The following ABCG5 variants were observed in gnomAD, a reference collection of about 807,000 sequenced individuals.
The protein encoded by ABCG5 is ATP-binding cassette sub-family G member 5.
ABCG5 carries 64 observed loss-of-function variants against 64.5 expected under a neutral mutation model. The ratio of observed to expected loss-of-function variants is 0.99; its 90% CI spans 0.81 to 1.22. The LOEUF is 1.22. Ranked by LOEUF, ABCG5 falls within the 50% of genes most tolerant of loss-of-function variation. ABCG5 has a pLI of 0.00. For synonymous variants in ABCG5, 385 were observed against 326.3 expected (o/e 1.18, Z -1.94); for missense variants, 908 against 829.5 (o/e 1.09, Z -1.16).
At chr2:43,814,895 T>A (rs1201199853) in intron 11 of ABCG5, among the ~76,000 whole-genome samples, 1 of 152,248 alleles carries the variant, frequency 6.6e-6, no homozygotes, top group Non-Finnish European at 1.5e-5. Context: ...GCCAAACATA[T>A]GTCTCAGACA....
chr2:43,836,706 C>T (rs1572804289), intron 2 of ABCG5, among the ~76,000 whole-genome samples: 1 of 152,084 alleles, frequency 6.6e-6, no homozygotes, highest in Non-Finnish European at 1.5e-5. Context: ...GATGCAGGGG[C>T]ACAAACACCG....
rs766464428 is a variant in ABCG5, at chr2:43,820,081, C to T, written c.1483G>A (p.Glu495Lys). 4 of 1,613,922 alleles carry T rather than the reference C, an allele frequency of 2.5e-6. No individual in the cohort carries two copies. Among genetic ancestry groups the T allele is most frequent in the Non-Finnish European group, 8.5e-7 (1 of 1,179,992 alleles). The stretch of plus-strand genomic sequence containing the variant: ...GAAAAATATCCAAATCGGGCAACCT[C>T]AGGATGTAAGCCCAGCGTCCTAGAA... Reference protein sequence around the residue: ...VCYWTLGLHPEVARFGYFSAA... With the variant: ...VCYWTLGLHPKVARFGYFSAA... The change falls in exon 11 of 13, where the codon GAG (glutamate) becomes AAG (lysine). Residue 495 changes from glutamate (E) to lysine (K), a missense_variant. Coordinates refer to ENST00000405322, the MANE Select transcript of ABCG5 (RefSeq NM_022436.3).
intron 2 of ABCG5, among the ~76,000 whole-genome samples, chr2:43,834,072 T>C (rs1668112007): frequency 6.6e-6 from 1 of 152,234 alleles, no homozygotes; most frequent in African/African-American, 2.4e-5. Flanking sequence ...TCTTTTCTAA[T>C]GCATCATTGA....
intron 4 of ABCG5, among the ~76,000 whole-genome samples, chr2:43,830,334 G>C (rs765324107): frequency 3.3e-5 from 5 of 152,172 alleles, no homozygotes; most frequent in African/African-American, 1.2e-4. Context: ...TCAAACCCAG[G>C]AGAAATGCAT....
chr2:43,833,818 G>A (rs1227636835), intron 2 of ABCG5, among the ~76,000 whole-genome samples: 1 of 152,152 alleles, frequency 6.6e-6, no homozygotes, highest in African/African-American at 2.4e-5. Context: ...CCGAATAGCT[G>A]GAATTACAGG....
intron 11 of ABCG5, among the ~76,000 whole-genome samples, chr2:43,818,425 C>G (rs1023138665): frequency 1.3e-5 from 2 of 152,148 alleles, no homozygotes; most frequent in Admixed American, 6.5e-5. Flanking sequence ...GCCTGGGCGG[C>G]AGAGTGAAAC....
chr2:43,830,117 G>A (rs1320791122), intron 4 of ABCG5, among the ~76,000 whole-genome samples: 6 of 152,172 alleles, frequency 3.9e-5, no homozygotes, highest in Non-Finnish European at 8.8e-5. Context: ...TAAGGAGTAA[G>A]CTTGCCCCTC....
At chr2:43,833,649 G>T (rs915566593) in intron 2 of ABCG5, among the ~76,000 whole-genome samples, 2 of 151,608 alleles carry the variant, frequency 1.3e-5, no homozygotes, top group Non-Finnish European at 2.9e-5. Flanking sequence ...CTCCCAAAGT[G>T]CTGGGATTAC....
chr2:43,838,857 C>A, upstream of ABCG5: 2 of 1,292,086 alleles, frequency 1.5e-6, no homozygotes, highest in Non-Finnish European at 1.1e-6. This position sits in a 1 kb window ranked among gnomAD's most constrained non-coding sequence, Gnocchi z 4.2. Context: ...CTTTAGCCAG[C>A]GCGTCCTTAT....
Position 43,819,975 on chromosome 2 carries a change from A to G in ABCG5, c.1589T>C (p.Val530Ala). Residue 530 changes from valine (V) to alanine (A), a missense_variant, in exon 11 of 13, where the codon GTC becomes GCC. Val to Ala is a moderately conservative substitution (Grantham distance 64). Coordinates refer to ENST00000405322, the MANE Select transcript of ABCG5 (RefSeq NM_022436.3). ...GGACAGCAGAGCCACTACACTGTTG[A>G]CTATATTTGGATTTTGGACGATACC... ...LLGIVQNPNIVNSVVALLSIA... is the reference protein window; with the variant it reads ...LLGIVQNPNIANSVVALLSIA... 6.2e-7 allele frequency: 1 copy of G among 1,614,144 alleles called. No individual in the cohort carries two copies. The highest frequency in any genetic ancestry group is 8.5e-7 in the Non-Finnish European group (1 of 1,180,026).
chr2:43,813,715 T>A (rs1239584087), intron 12 of ABCG5, among the ~76,000 whole-genome samples: 33 of 122,490 alleles, frequency 2.7e-4, no homozygotes, highest in African/African-American at 8.8e-4. Flanking sequence ...TTTCGTTTTT[T>A]TTTTTTTTTT....
intron 2 of ABCG5, among the ~76,000 whole-genome samples, chr2:43,837,120 CTTTT>C (rs113990483): frequency 3.8e-5 from 5 of 131,344 alleles, no homozygotes; most frequent in Non-Finnish European, 4.8e-5. Context: ...ATTCTCCAGT[CTTTT>C]TTTTTTTTTT....
intron 4 of ABCG5, among the ~76,000 whole-genome samples, chr2:43,831,455 G>A (rs895206603): frequency 6.6e-6 from 1 of 152,198 alleles, no homozygotes; most frequent in Non-Finnish European, 1.5e-5. Flanking sequence ...TTACAGGTAT[G>A]AGCCACCCTG....
the ABCG5 span, among the ~76,000 whole-genome samples, chr2:43,807,104 C>G: frequency 2.6e-5 from 4 of 152,108 alleles, no homozygotes; most frequent in Non-Finnish European, 4.4e-5. Flanking sequence ...TGACATTCTA[C>G]TATATAAAAT....
At chr2:43,810,467 C>G (rs770513367), downstream of ABCG5, 110 of 985,264 alleles carry the variant, frequency 1.1e-4, no homozygotes, top group Non-Finnish European at 1.3e-4. Flanking sequence ...GTGGGATAGC[C>G]TTTAAGAAGC....
intron 10 of ABCG5, among the ~76,000 whole-genome samples, chr2:43,820,807 C>T (rs1667143250): frequency 6.6e-6 from 1 of 152,112 alleles, no homozygotes; most frequent in African/African-American, 2.4e-5. Context: ...GTGCGCACCA[C>T]CACACCCAGC....
chr2:43,832,908 C>A (rs1419973875), intron 2 of ABCG5, among the ~76,000 whole-genome samples: 1 of 152,182 alleles, frequency 6.6e-6, no homozygotes, highest in Non-Finnish European at 1.5e-5. Flanking sequence ...CTCTCAGGTT[C>A]AAGCCATTCT....
chr2:43,817,206 C>G (rs1379305435), intron 11 of ABCG5, among the ~76,000 whole-genome samples: 1 of 152,196 alleles, frequency 6.6e-6, no homozygotes, highest in African/African-American at 2.4e-5. Flanking sequence ...AATTAACCAC[C>G]AGGTATAGTG....
chr2:43,827,343 G>T (rs4245787), intron 5 of ABCG5, among the ~76,000 whole-genome samples: 33,717 of 142,280 alleles, frequency 0.24, 5,018 homozygotes, highest in East Asian at 0.8. Flanking sequence ...AAAAAAAAAA[G>T]TGACAAGAGC....
Sources: gnomAD v4.1 joint callset for allele counts (sites outside exome capture counted in the v4.1 genomes callset) on GRCh38, gnomAD v4.1.1 for gene constraint, Gnocchi (gnomAD v3.1) non-coding constraint, MANE v1.5 for transcripts, NCBI Gene and HGNC (gene_info 2026-07-23, HGNC 2026-07-21) for gene names.